Variants in PKN3 observed in about 807,000 individuals in gnomAD.
PKN3 encodes protein kinase N3.
A neutral mutation model predicts 113.1 loss-of-function variants in PKN3; 91 were observed. That is an observed-to-expected ratio of 0.80 (90% CI 0.68 to 0.96). The LOEUF (loss-of-function observed/expected upper bound fraction) is 0.96. Ranked by LOEUF, PKN3 falls within the 40% of genes least tolerant of loss-of-function variation. PKN3 has a pLI of 0.00. For synonymous variants in PKN3, 467 were observed against 499.0 expected (o/e 0.94, Z 0.85); for missense variants, 1,052 against 1,202.2 (o/e 0.88, Z 1.85).
chr9:128,714,021 C>T, intron 9 of PKN3, 25 bp from the exon 10 acceptor site: 1 of 1,613,216 alleles, frequency 6.2e-7, no homozygotes, highest in Non-Finnish European at 8.5e-7. Context: ...GCGACTGGTC[C>T]ACAACCCTGC....
Position 128,720,675 on chromosome 9 carries a change from GC to G in PKN3, c.*72del. On this transcript the variant is annotated 3_prime_UTR_variant, in exon 22 of 22. Coordinates refer to ENST00000291906, the MANE Select transcript of PKN3 (RefSeq NM_013355.5). This position sits in a 1 kb window ranked among gnomAD's most constrained non-coding sequence, Gnocchi z 5.5. Reference sequence around the variant, plus strand: ...AGAGCCTCTGCTCGTTCACCCGTGCGCCCTGCCTGGAGGTCCAGGCCTTGCT... The same window carrying G: ...AGAGCCTCTGCTCGTTCACCCGTGCGCCTGCCTGGAGGTCCAGGCCTTGCT... 7.2e-7 allele frequency: 1 copy of G among 1,382,774 alleles called. No individual in the cohort carries two copies. Among genetic ancestry groups the G allele is most frequent in the Admixed American group, 2.0e-5 (1 of 50,780 alleles). 85.7% of individuals were successfully genotyped at this position (1,382,774 alleles called of 1,614,324 possible).
At chr9:128,707,135 T>C (rs1298227027) in intron 5 of PKN3, 87 bp from the exon 6 acceptor site, 6 of 1,585,064 alleles carry the variant, frequency 3.8e-6, no homozygotes, top group South Asian at 3.4e-5. Flanking sequence ...TGTTGAGACT[T>C]CATGCGGAAG....
intron 18 of PKN3, among the ~76,000 whole-genome samples, chr9:128,719,181 C>G (rs1862442181): frequency 6.6e-6 from 1 of 151,046 alleles, no homozygotes; most frequent in African/African-American, 2.4e-5. Flanking sequence ...CAGGCGTGAG[C>G]CACTGCGCCC....
intron 6 of PKN3, among the ~76,000 whole-genome samples, chr9:128,708,033 T>C (rs1862071407): frequency 7.2e-6 from 1 of 139,780 alleles, no homozygotes; most frequent in African/African-American, 2.7e-5. Context: ...ATCACGCCAC[T>C]GCACTCCACC....
Position 128,705,323 on chromosome 9 carries a change from C to T in PKN3, c.45C>T (p.Pro15=). 6.4e-7 allele frequency: 1 copy of T among 1,560,382 alleles called. No individual in the cohort carries two copies. Among genetic ancestry groups the T allele is most frequent in the Non-Finnish European group, 8.7e-7 (1 of 1,153,382 alleles). The stretch of plus-strand genomic sequence containing the variant: ...TGCAGCCTGGGCCGAGCCAGTGGCC[C>T]CCAGAGGATGAGAAGGAGGTGATCC... The part of the protein sequence containing the change: ...APRQPGPSQW[P]PEDEKEVIRR... Residue 15 remains proline, a synonymous_variant, in exon 2 of 22, where the codon CCC becomes CCT. Coordinates refer to ENST00000291906, the MANE Select transcript of PKN3 (RefSeq NM_013355.5).
intron 9 of PKN3, 80 bp downstream of exon 9, chr9:128,713,722 C>A (rs1157336729): frequency 3.6e-6 from 5 of 1,386,946 alleles, no homozygotes; most frequent in Non-Finnish European, 5.0e-6. Flanking sequence ...CGATGCACTG[C>A]GTGTAGGTGC....
chr9:128,707,084 G>A (rs1030267408), intron 5 of PKN3, 61 bp downstream of exon 5: 1 of 1,605,166 alleles, frequency 6.2e-7, no homozygotes, highest in African/African-American at 1.3e-5. Flanking sequence ...CCCTCAGCAG[G>A]GGTGTGAAGG....
rs1411231131 is a variant in PKN3, at chr9:128,713,415, G to T, written c.1092+28G>T. 3 of 1,612,474 alleles carry T rather than the reference G, an allele frequency of 1.9e-6. No homozygotes were observed. The South Asian group carries it at 3.3e-5, about 18-fold the overall frequency. ...AAGGCTGGCCTTTGTGTGGTCAGGGGTGACCTTGGGCTGCGGGGTGGAAGG... is the reference window on the plus strand; with the variant it reads ...AAGGCTGGCCTTTGTGTGGTCAGGGTTGACCTTGGGCTGCGGGGTGGAAGG... On this transcript the variant is annotated intron_variant, in intron 8 of 21. Coordinates refer to ENST00000291906, the MANE Select transcript of PKN3 (RefSeq NM_013355.5).
chr9:128,718,416 G>A, intron 17 of PKN3, 29 bp downstream of exon 17: 1 of 1,035,508 alleles, frequency 9.7e-7, no homozygotes, highest in Non-Finnish European at 1.5e-6. Context: ...ATGCACGGGG[G>A]TAGGGGTGGG....
chr9:128,714,487 T>C, intron 11 of PKN3, 75 bp from the exon 12 acceptor site: 1 of 1,068,448 alleles, frequency 9.4e-7, no homozygotes, highest in South Asian at 1.2e-5. Context: ...TCCATCTCAC[T>C]TTGGGTTGGT....
In PKN3 at chr9:128,715,077, C is replaced by G; in HGVS notation, c.1653-95C>G. 2 of 1,343,438 alleles carry G rather than the reference C, an allele frequency of 1.5e-6. No individual in the cohort carries two copies. The highest frequency in any genetic ancestry group is 1.2e-5 in the South Asian group (1 of 84,024). The allele number at this position is 1,343,438 out of a possible 1,614,324, so 83.2% of individuals were successfully genotyped here. On this transcript the variant is annotated intron_variant, in intron 13 of 21. Coordinates refer to ENST00000291906, the MANE Select transcript of PKN3 (RefSeq NM_013355.5). This position sits in a 1 kb window ranked among gnomAD's most constrained non-coding sequence, Gnocchi z 4.1. ...GCTTTTTCGAGCCCATAGGTCGGGA[C>G]AGCCCAGGACTGGGCATGGGAGGCT...
chr9:128,706,971 T>A lies in PKN3; in HGVS notation c.599T>A (p.Val200Glu), dbSNP rs1329341512. Reference sequence around the variant, plus strand: ...GCTGTGGCTGAGGGCGCCAAGAACGTGGTGAAACTGCTTAGTAGCCGGAGA... The same window carrying A: ...GCTGTGGCTGAGGGCGCCAAGAACGAGGTGAAACTGCTTAGTAGCCGGAGA... ...EAAVAEGAKN[V>E]VKLLSSRRTQ... The change falls in exon 5 of 22, where the codon GTG (valine) becomes GAG (glutamate). Residue 200 changes from valine to glutamate, a missense_variant. Around this residue, in one of 2 missense-constraint regions of PKN3, gnomAD observed 719 missense variants for 759.4 expected, o/e 0.95. Transcript: ENST00000291906. 6.2e-7 allele frequency: 1 copy of A among 1,614,062 alleles called. No individual in the cohort carries two copies. Among genetic ancestry groups the A allele is most frequent in the Non-Finnish European group, 8.5e-7 (1 of 1,179,984 alleles).
At chr9:128,710,348 A>C (rs931575602) in intron 6 of PKN3, among the ~76,000 whole-genome samples, 25 of 151,820 alleles carry the variant, frequency 1.6e-4, no homozygotes, top group Non-Finnish European at 7.4e-5. Context: ...AGATACAGTG[A>C]GAGCTGGAAA....
intron 15 of PKN3, 151 bp from the exon 16 acceptor site, chr9:128,716,596 T>TTAA (rs1564376817): frequency 2.4e-4 from 115 of 481,246 alleles, no homozygotes; most frequent in Non-Finnish European, 3.1e-4. Flanking sequence ...AGACTGTGTC[T>TTAA]CAAAAAAAAA....
Position 128,714,855 on chromosome 9 carries a change from TCC to T in PKN3, c.1646_1647del (p.Pro549HisfsTer91), listed in dbSNP as rs141670427. On this transcript the variant is annotated frameshift_variant, in exon 13 of 22. Transcript: ENST00000291906. LOFTEE classifies it high-confidence loss of function. The part of the protein sequence containing the change: ...RTRRGPSPPA[S>X]PTRKPPRLQD... ...TCGACGTGGGCCATCTCCACCAGCCTCCCCCACCAGGTACCCCATCCTGCGCA... is the reference window on the plus strand; with the variant it reads ...TCGACGTGGGCCATCTCCACCAGCCTCCCACCAGGTACCCCATCCTGCGCA... The T allele has an allele frequency of 6.2e-7, 1 of 1,613,586 alleles. No homozygotes were observed. Among genetic ancestry groups the T allele is most frequent in the Admixed American group, 1.7e-5 (1 of 59,990 alleles).
chr9:128,705,152 G>A, intron 1 of PKN3, 151 bp from the exon 2 acceptor site: 5 of 977,582 alleles, frequency 5.1e-6, no homozygotes, highest in Non-Finnish European at 7.6e-6. Context: ...TCAGGCCTGA[G>A]CTCTAAGGGG....
rs957072359 is a variant in PKN3, at chr9:128,718,891, T to G, written c.2125+266T>G. Among the ~76,000 whole-genome samples the G allele has an allele frequency of 1.4e-4, 4 of 28,776 alleles. No individual in the cohort carries two copies. In the Non-Finnish European group the frequency reaches 2.4e-3, roughly 17 times the overall value. 18.9% of individuals were successfully genotyped at this position (28,776 alleles called of 152,430 possible). On this transcript the variant is annotated intron_variant, in intron 18 of 21. Coordinates refer to ENST00000291906, the MANE Select transcript of PKN3 (RefSeq NM_013355.5). ...GAGACTGAGTTCTGCCTTCTGTTTT[T>G]TTTTTGGTTTGTTTTTTTTTTTGAG...
intron 18 of PKN3, among the ~76,000 whole-genome samples, chr9:128,719,449 A>G (rs1862455436): frequency 6.6e-6 from 1 of 152,110 alleles, no homozygotes; most frequent in Non-Finnish European, 1.5e-5. Context: ...TCGGCCTCCC[A>G]AAGTGCTGGG....
intron 9 of PKN3, 98 bp downstream of exon 9, chr9:128,713,740 G>C (rs1862252808): frequency 1.6e-6 from 2 of 1,244,700 alleles, no homozygotes; most frequent in Non-Finnish European, 2.3e-6. Context: ...TGCAGAGACT[G>C]ACGACCAGAG....
Sources: gnomAD v4.1 joint callset for allele counts (sites outside exome capture counted in the v4.1 genomes callset) on GRCh38, gnomAD v4.1.1 for gene constraint, gnomAD v4.1.1 regional missense constraint, Gnocchi (gnomAD v3.1) non-coding constraint, MANE v1.5 for transcripts, NCBI Gene and HGNC (gene_info 2026-07-23, HGNC 2026-07-21) for gene names.